DPP10: variants seen among roughly 807,000 people sequenced by gnomAD.
The protein encoded by DPP10 is inactive dipeptidyl peptidase 10.
Under a neutral mutation model 120.9 loss-of-function variants are expected in DPP10, and 33 were observed. The ratio of observed to expected loss-of-function variants is 0.27; its 90% CI spans 0.21 to 0.37. The LOEUF (loss-of-function observed/expected upper bound fraction) is 0.37, where lower values mean the gene tolerates loss of function less well. Ranked by LOEUF, DPP10 falls within the 10% of genes least tolerant of loss-of-function variation. The pLI, the probability that DPP10 is intolerant of heterozygous loss-of-function variation, is 1.00. For missense variants in DPP10, 816 were observed against 942.8 expected (o/e 0.87, Z 1.76); for synonymous variants, 337 against 326.1 (o/e 1.03, Z -0.36).
At chr2:115,830,549 G>T (rs1185203328) in intron 21 of DPP10, among the ~76,000 whole-genome samples, 1 of 152,262 alleles carries the variant, frequency 6.6e-6, no homozygotes. Context: ...AGTGGTCAAA[G>T]AGTAGAAGAA....
intron 1 of DPP10, among the ~76,000 whole-genome samples, chr2:115,237,169 T>A (rs1574113937): frequency 6.6e-6 from 1 of 152,186 alleles, no homozygotes; most frequent in Non-Finnish European, 1.5e-5. Context: ...TTTGGCATCA[T>A]TTTTGCAGCA....
At chr2:115,483,624 G>A (rs572031030) in intron 3 of DPP10, among the ~76,000 whole-genome samples, 1 of 152,120 alleles carries the variant, frequency 6.6e-6, no homozygotes, top group South Asian at 2.1e-4. Flanking sequence ...TGAGAAGTGA[G>A]GCAGGGTCAC....
chr2:114,875,044 A>G (rs924863851), intron 1 of DPP10, among the ~76,000 whole-genome samples: 1 of 152,172 alleles, frequency 6.6e-6, no homozygotes, highest in Non-Finnish European at 1.5e-5. Context: ...TTATTCTGTC[A>G]TCTGGATGTT....
intron 4 of DPP10, among the ~76,000 whole-genome samples, chr2:115,521,985 A>T (rs1033124061): frequency 1.3e-5 from 2 of 152,104 alleles, no homozygotes; most frequent in African/African-American, 4.8e-5. Flanking sequence ...GTTTATTCTC[A>T]TATTGTAGGT....
intron 1 of DPP10, among the ~76,000 whole-genome samples, chr2:115,078,431 A>C (rs1160195603): frequency 1.3e-5 from 2 of 152,220 alleles, no homozygotes; most frequent in Non-Finnish European, 2.9e-5. Context: ...AATTATTTTT[A>C]AAAAGAATTA....
intron 1 of DPP10, among the ~76,000 whole-genome samples, chr2:114,677,468 A>AAAT (rs1698743840): frequency 6.6e-6 from 1 of 152,136 alleles, no homozygotes; most frequent in Non-Finnish European, 1.5e-5. Flanking sequence ...TGTAAAGGAA[A>AAAT]AATAACTAAC....
chr2:114,667,463 A>G (rs1196506515), intron 1 of DPP10, among the ~76,000 whole-genome samples: 1 of 152,236 alleles, frequency 6.6e-6, no homozygotes, highest in African/African-American at 2.4e-5. Context: ...GTATGCTTTG[A>G]GTTTATATGA....
At chr2:114,725,290 C>T (rs1701974901) in intron 1 of DPP10, among the ~76,000 whole-genome samples, 2 of 152,174 alleles carry the variant, frequency 1.3e-5, no homozygotes, top group Non-Finnish European at 2.9e-5. Flanking sequence ...TACGCATATT[C>T]ACATTTTTTC....
Position 114,816,929 on chromosome 2 carries a change from T to C in DPP10, c.60+374091T>C, listed in dbSNP as rs563146709. On this transcript the variant is annotated intron_variant, in intron 1 of 25. Transcript: ENST00000410059. The stretch of plus-strand genomic sequence containing the variant: ...AAAAGCTGACCTGTATGAAACAAGG[T>C]AGTTTTTTATTGTTGTTGTCTGCGC... Among the ~76,000 whole-genome samples the C allele has an allele frequency of 3.9e-5, 6 of 152,308 alleles. No homozygotes were observed. In the South Asian group the frequency reaches 1.0e-3, roughly 26 times the overall value.
intron 1 of DPP10, among the ~76,000 whole-genome samples, chr2:114,447,455 T>C (rs1023180613): frequency 7.9e-5 from 12 of 152,178 alleles, no homozygotes; most frequent in Admixed American, 7.9e-4. Context: ...AAGGAATGTT[T>C]AATAACAAAA....
intron 1 of DPP10, among the ~76,000 whole-genome samples, chr2:114,581,173 C>CTTTT (rs70937291): frequency 1.3e-5 from 1 of 77,892 alleles, no homozygotes; most frequent in African/African-American, 5.1e-5. Flanking sequence ...TTTTTCTTCT[C>CTTTT]TTTTTTTTTT....
chr2:115,210,962 CA>C (rs1199637376), intron 1 of DPP10, among the ~76,000 whole-genome samples: 1 of 151,796 alleles, frequency 6.6e-6, no homozygotes, highest in Non-Finnish European at 1.5e-5. Context: ...TAAGTCAAAA[CA>C]ATACTATTGA....
chr2:114,551,089 C>T (rs1337901039), intron 1 of DPP10, among the ~76,000 whole-genome samples: 3 of 152,156 alleles, frequency 2.0e-5, no homozygotes, highest in African/African-American at 7.2e-5. Context: ...AATCCATCCT[C>T]CACTACACTC....
chr2:115,762,478 A>C, intron 11 of DPP10, 94 bp from the exon 12 acceptor site: 1 of 1,324,198 alleles, frequency 7.6e-7, no homozygotes, highest in Non-Finnish European at 1.1e-6. Flanking sequence ...GAAGAGAGGG[A>C]AAAAAAACTG....
chr2:115,495,365 G>GAAGAAA (rs1553431556), intron 3 of DPP10, among the ~76,000 whole-genome samples: 1 of 82,240 alleles, frequency 1.2e-5, no homozygotes, highest in Non-Finnish European at 2.2e-5. Context: ...GCCATTTTCT[G>GAAGAAA]AAAAAAAAAA....
At chr2:115,837,706 A>G (rs1689674366) in intron 24 of DPP10, among the ~76,000 whole-genome samples, 1 of 152,154 alleles carries the variant, frequency 6.6e-6, no homozygotes, top group Non-Finnish European at 1.5e-5. Context: ...TGGGGATGGC[A>G]CTTTACCTCC....
chr2:114,544,016 T>G lies in DPP10; in HGVS notation c.60+101178T>G, dbSNP rs143030689. ...GACCATTCTAGATGTTAGGTATATATCAGGGAATATAGCAGTTAAAAAAAA... is the reference window on the plus strand; with the variant it reads ...GACCATTCTAGATGTTAGGTATATAGCAGGGAATATAGCAGTTAAAAAAAA... On this transcript the variant is annotated intron_variant, in intron 1 of 25. Coordinates refer to ENST00000410059, the MANE Select transcript of DPP10 (RefSeq NM_020868.6). Among the ~76,000 whole-genome samples the G allele has an allele frequency of 2.0e-3, 300 of 151,914 alleles. 1 individual carries two copies. Among genetic ancestry groups the G allele is most frequent in the African/African-American group, 6.9e-3 (284 of 41,420 alleles).
chr2:114,779,178 A>T (rs1331231275), intron 1 of DPP10, among the ~76,000 whole-genome samples: 1 of 152,066 alleles, frequency 6.6e-6, no homozygotes, highest in Non-Finnish European at 1.5e-5. Flanking sequence ...TCCAGACTAC[A>T]CAGAATAACC....
chr2:115,632,612 C>T (rs563987472), intron 5 of DPP10, among the ~76,000 whole-genome samples: 30 of 152,144 alleles, frequency 2.0e-4, no homozygotes, highest in Non-Finnish European at 4.0e-4. Flanking sequence ...CTTAGTTTGG[C>T]CAGATGTGAA....
Sources: gnomAD v4.1 joint callset for allele counts (sites outside exome capture counted in the v4.1 genomes callset) on GRCh38, gnomAD v4.1.1 for gene constraint, MANE v1.5 for transcripts, NCBI Gene and HGNC (gene_info 2026-07-23, HGNC 2026-07-21) for gene names.